The following TMEM221 variants were observed in gnomAD, a reference collection of about 807,000 sequenced individuals.
TMEM221 encodes Putative transmembrane protein ENSP00000342162.
In TMEM221, 11 loss-of-function variants were observed where a neutral mutation model predicts 10.2. The ratio of observed to expected loss-of-function variants is 1.08; its 90% CI spans 0.68 to 1.79. The LOEUF is 1.79. Ranked by LOEUF, TMEM221 falls within the 40% of genes most tolerant of loss-of-function variation. The pLI, the probability that TMEM221 is intolerant of heterozygous loss-of-function variation, is 0.00. For missense variants in TMEM221, 382 were observed against 417.7 expected, an observed-to-expected ratio of 0.91 and a Z score of 0.75; for synonymous variants, 172 against 199.8, an observed-to-expected ratio of 0.86 and a Z score of 1.18.
chr19:17,441,060 T>C (rs1195937238), intron 2 of TMEM221, among the ~76,000 whole-genome samples: 2 of 151,768 alleles, frequency 1.3e-5, no homozygotes, highest in African/African-American at 2.4e-5. Flanking sequence ...ATACAAAAAT[T>C]AGCTGGGCGT....
chr19:17,446,362 TTTACAGACTACAAGCTTCTTTGAGA>T (rs2074953320), intron 1 of TMEM221, among the ~76,000 whole-genome samples: 1 of 152,196 alleles, frequency 6.6e-6, no homozygotes, highest in Non-Finnish European at 1.5e-5. Context: ...CTTCCATTAT[TTTACAGACTACAAGCTTCTTTGAGA>T]GATGAGGAAA....
intron 2 of TMEM221, among the ~76,000 whole-genome samples, chr19:17,444,487 G>A (rs1013349833): frequency 1.4e-5 from 2 of 144,176 alleles, no homozygotes; most frequent in Non-Finnish European, 3.0e-5. Context: ...CATTTGTGGA[G>A]TCCCTGCTGG....
Position 17,448,149 on chromosome 19 carries a change from G to C in TMEM221, c.314C>G (p.Pro105Arg). 2 of 1,406,720 alleles carry C rather than the reference G, an allele frequency of 1.4e-6. No homozygotes were observed. Among genetic ancestry groups the C allele is most frequent in the East Asian group, 6.1e-5 (2 of 32,894 alleles). The allele number at this position is 1,406,720 out of a possible 1,614,324, so 87.1% of individuals were successfully genotyped here. ...LGAELARGPG[P>R]RRSDWFLYDC... ...GTGAGGCCAGTCCTCCTACCTCCTG[G>C]GGCCAGGCCCCCGCGCCAGCTCGGC... Residue 105 changes from proline (P) to arginine (R), a missense_variant, in exon 1 of 3, where the codon CCC (proline) becomes CGC (arginine). Physicochemically the swap from Pro to Arg is moderately radical, Grantham distance 103 (BLOSUM62 -2). Transcript: ENST00000341130. The surrounding 1 kb of genome is among the most constrained non-coding windows in gnomAD (Gnocchi z 4.7).
chr19:17,445,340 G>A, intron 1 of TMEM221, 56 bp from the exon 2 acceptor site: 1 of 1,425,644 alleles, frequency 7.0e-7, no homozygotes, highest in Non-Finnish European at 9.5e-7. Context: ...CTGGTGGGGG[G>A]AGGTCAGTGA....
At chr19:17,438,477 G>A (rs913955180) in intron 2 of TMEM221, among the ~76,000 whole-genome samples, 3 of 152,188 alleles carry the variant, frequency 2.0e-5, no homozygotes, top group Non-Finnish European at 2.9e-5. Context: ...TCTAGCCTTG[G>A]CCTGCCAAGA....
At position 17,436,354 on chromosome 19, in the gene TMEM221, T is replaced by G; in HGVS notation, c.*104A>C. On this transcript the variant is annotated 3_prime_UTR_variant, in exon 3 of 3. Coordinates refer to ENST00000341130, the MANE Select transcript of TMEM221 (RefSeq NM_001190844.2). ...TTGAGGACAAAAGCCAAGGATGCAA[T>G]AAAATGAGAGAAAAATCAAGTCCTA... is the stretch of plus-strand genomic sequence containing the variant. 2 of 1,169,480 alleles carry G rather than the reference T, an allele frequency of 1.7e-6. No individual in the cohort carries two copies. Among genetic ancestry groups the G allele is most frequent in the Non-Finnish European group, 1.1e-6 (1 of 874,168 alleles). 72.4% of individuals were successfully genotyped at this position (1,169,480 alleles called of 1,614,324 possible). A position where few individuals can be genotyped will look rare whatever the true frequency, so the allele number is the denominator to read the frequency against.
In TMEM221 at chr19:17,448,187, A is replaced by G. The variant is rs987925387; in HGVS notation, c.276T>C (p.Cys92=). 1 of 1,437,632 alleles carries G rather than the reference A, an allele frequency of 7.0e-7. No individual in the cohort carries two copies. The highest frequency in any genetic ancestry group is 1.5e-5 in the African/African-American group (1 of 67,464). The allele number at this position is 1,437,632 out of a possible 1,614,324, so 89.1% of individuals were successfully genotyped here. The change falls in exon 1 of 3, where the codon TGT becomes TGC. Residue 92 remains cysteine, a synonymous_variant. Coordinates refer to ENST00000341130, the MANE Select transcript of TMEM221 (RefSeq NM_001190844.2). This position sits in a 1 kb window ranked among gnomAD's most constrained non-coding sequence, Gnocchi z 4.7. The part of the protein sequence containing the change: ...GFTCLLLAAL[C]GHLGAELARG... ...GCGCCAGCTCGGCGCCCAGGTGGCCACAGAGCGCGGCGAGCAGCAAGCAGG... is the reference window on the plus strand; with the variant it reads ...GCGCCAGCTCGGCGCCCAGGTGGCCGCAGAGCGCGGCGAGCAGCAAGCAGG...
chr19:17,439,895 T>C (rs1568397210), intron 2 of TMEM221, among the ~76,000 whole-genome samples: 1 of 151,836 alleles, frequency 6.6e-6, no homozygotes, highest in African/African-American at 2.4e-5. Context: ...CTGTTCACTT[T>C]AAAGTGGGTA....
intron 2 of TMEM221, among the ~76,000 whole-genome samples, chr19:17,440,220 GTATT>G (rs1470087251): frequency 5.9e-5 from 7 of 118,740 alleles, no homozygotes; most frequent in Admixed American, 9.7e-5. Context: ...GGTTAAAATG[GTATT>G]TTTTTTTTTT....
Position 17,448,474 on chromosome 19 carries a change from C to G in TMEM221, c.-12G>C. On this transcript the variant is annotated 5_prime_UTR_variant, in exon 1 of 3. Transcript: ENST00000341130. The surrounding 1 kb of genome is among the most constrained non-coding windows in gnomAD (Gnocchi z 4.7). Reference sequence around the variant, plus strand: ...TAAGAACGGGCCATGGCGGGGGTTCCTGCGGGCCGGGGGAAGAGTTGAGGA... The same window carrying G: ...TAAGAACGGGCCATGGCGGGGGTTCGTGCGGGCCGGGGGAAGAGTTGAGGA... 1.4e-6 allele frequency: 2 copies of G among 1,464,428 alleles called. No homozygotes were observed. The highest frequency in any genetic ancestry group is 1.8e-6 in the Non-Finnish European group (2 of 1,112,362). 90.7% of individuals were successfully genotyped at this position (1,464,428 alleles called of 1,614,324 possible).
chr19:17,444,839 TTTG>T (rs1303947728), intron 2 of TMEM221: 1 of 144,734 alleles, frequency 6.9e-6, no homozygotes, highest in African/African-American at 2.5e-5. Flanking sequence ...GAGATGGGGT[TTTG>T]TTATGTTGCC....
In TMEM221 at chr19:17,436,587, G is replaced by C. The variant is rs1262477056; in HGVS notation, c.747C>G (p.Ser249Arg). 5.2e-6 allele frequency: 8 copies of C among 1,535,930 alleles called. No individual in the cohort carries two copies. Among genetic ancestry groups the C allele is most frequent in the East Asian group, 2.4e-5 (1 of 40,930 alleles). Residue 249 changes from serine (S) to arginine (R), a missense_variant, in exon 3 of 3, where the codon AGC becomes AGG. By Grantham distance (110) the Ser-to-Arg change is moderately radical. Coordinates refer to ENST00000341130, the MANE Select transcript of TMEM221 (RefSeq NM_001190844.2). Reference sequence around the variant, plus strand: ...TCCGGTGCATTCTGGATGCAGGCAGGCTGCTCTCCCAGCCTCCCTCCAGGG... The same window carrying C: ...TCCGGTGCATTCTGGATGCAGGCAGCCTGCTCTCCCAGCCTCCCTCCAGGG... The part of the protein sequence containing the change: ...PAALEGGWES[S>R]LPASRMHRTL...
chr19:17,440,187 A>C (rs2074926147), intron 2 of TMEM221, among the ~76,000 whole-genome samples: 1 of 151,222 alleles, frequency 6.6e-6, no homozygotes, highest in Non-Finnish European at 1.5e-5. Context: ...ACCCTGTCTC[A>C]AAAAATGGAA....
At chr19:17,440,971 G>A (rs1329634448) in intron 2 of TMEM221, among the ~76,000 whole-genome samples, 1 of 152,156 alleles carries the variant, frequency 6.6e-6, no homozygotes, top group Non-Finnish European at 1.5e-5. Context: ...ACTTTGGGAG[G>A]CCGAAGTGGG....
chr19:17,447,024 C>T (rs1050010003), intron 1 of TMEM221, among the ~76,000 whole-genome samples: 22 of 151,926 alleles, frequency 1.4e-4, no homozygotes, highest in Non-Finnish European at 2.9e-4. Flanking sequence ...GAGTTCAAGA[C>T]CAGCCTGGCC....
chr19:17,448,266 GT>G lies in TMEM221; in HGVS notation c.196del (p.Thr66ArgfsTer69). 2 of 1,255,544 alleles carry G rather than the reference GT, an allele frequency of 1.6e-6. No individual in the cohort carries two copies. The highest frequency in any genetic ancestry group is 2.0e-6 in the Non-Finnish European group (2 of 1,001,292). 77.8% of individuals were successfully genotyped at this position (1,255,544 alleles called of 1,614,324 possible). On this transcript the variant is annotated frameshift_variant, in exon 1 of 3. Transcript: ENST00000341130. LOFTEE classifies it high-confidence loss of function. This position sits in a 1 kb window ranked among gnomAD's most constrained non-coding sequence, Gnocchi z 4.7. ...CAGCGCGGCGGCCAGCGGCAGCAGCGTCCCGGCCGCGTCCTCTGGCAGCCCG... is the reference window on the plus strand; with the variant it reads ...CAGCGCGGCGGCCAGCGGCAGCAGCGCCCGGCCGCGTCCTCTGGCAGCCCG... ...GPGLPEDAAG[T>X]LLPLAAALAA...
At chr19:17,438,890 G>A (rs982995731) in intron 2 of TMEM221, among the ~76,000 whole-genome samples, 77 of 222 alleles carry the variant, frequency 0.35, 1 homozygote, top group Non-Finnish European at 0.18. Flanking sequence ...TAGCCACTGC[G>A]CCCGACACCT....
intron 1 of TMEM221, among the ~76,000 whole-genome samples, chr19:17,447,417 C>T (rs1354152671): frequency 1.3e-5 from 2 of 152,118 alleles, no homozygotes; most frequent in Non-Finnish European, 2.9e-5. Flanking sequence ...GATCCATTCC[C>T]CTGCAGGCAG....
At chr19:17,445,427 C>T (rs998403425) in intron 1 of TMEM221, 143 bp from the exon 2 acceptor site, 2 of 583,976 alleles carry the variant, frequency 3.4e-6, no homozygotes, top group Non-Finnish European at 6.0e-6. Flanking sequence ...AGTACCTAAC[C>T]ATCATCCATC....
Sources: allele counts gnomAD v4.1 joint callset (sites outside exome capture counted in the v4.1 genomes callset), GRCh38; gene constraint gnomAD v4.1.1; non-coding constraint Gnocchi (gnomAD v3.1); transcripts MANE v1.5; gene names NCBI Gene and HGNC (gene_info 2026-07-23, HGNC 2026-07-21).